PARP6: variants seen among roughly 807,000 people sequenced by gnomAD.
PARP6 encodes protein mono-ADP-ribosyltransferase PARP6.
Under a neutral mutation model 92.0 loss-of-function variants are expected in PARP6, and 27 were observed. The ratio of observed to expected loss-of-function variants is 0.29; its 90% CI spans 0.22 to 0.40. The LOEUF (loss-of-function observed/expected upper bound fraction) is 0.40, where lower values mean the gene tolerates loss of function less well. PARP6 is among the 10% of genes least tolerant of loss of function. PARP6 has a pLI of 1.00. For synonymous variants in PARP6, 272 were observed against 281.2 expected, an observed-to-expected ratio of 0.97 and a Z score of 0.33; for missense variants, 501 against 784.5, an observed-to-expected ratio of 0.64 and a Z score of 4.32.
intron 14 of PARP6, among the ~76,000 whole-genome samples, chr15:72,254,965 G>T (rs1181243142): frequency 1.3e-5 from 2 of 152,108 alleles, no homozygotes; most frequent in Non-Finnish European, 2.9e-5. Context: ...GGTGTTTCTG[G>T]TTGAGATTAA....
chr15:72,259,518 G>T, intron 11 of PARP6, 90 bp downstream of exon 11: 1 of 995,634 alleles, frequency 1.0e-6, no homozygotes, highest in Non-Finnish European at 1.6e-6. Context: ...AATTCAGAAA[G>T]TATTTGATTG....
intron 20 of PARP6, among the ~76,000 whole-genome samples, chr15:72,246,143 C>A (rs2083573741): frequency 6.6e-6 from 1 of 152,076 alleles, no homozygotes; most frequent in East Asian, 1.9e-4. Context: ...TTTCATAACA[C>A]ATTATTGTTT....
At chr15:72,262,139 T>C (rs928664589) in intron 8 of PARP6, among the ~76,000 whole-genome samples, 3 of 152,204 alleles carry the variant, frequency 2.0e-5, no homozygotes, top group Non-Finnish European at 4.4e-5. Flanking sequence ...AGAAAAATTA[T>C]ATTCTCAAAT....
rs1199871531 is a variant in PARP6, at chr15:72,260,536, G to T, written c.698C>A (p.Ala233Glu). Residue 233 changes from alanine to glutamate, a missense_variant, in exon 10 of 24, where the codon GCA becomes GAA. This residue lies in a region of PARP6 where 291 missense variants were observed against 352.0 expected (regional missense o/e 0.83). Transcript: ENST00000569795. ...EVFGYPPSPQ[A>E]GLLCPQHVGL... ...CACGTGCTGAGGGCACAGGAGACCT[G>T]CCTGGGGGCTGGGAGGGTAGCCAAA... The T allele has an allele frequency of 1.2e-6, 2 of 1,614,190 alleles. No individual in the cohort carries two copies. Among genetic ancestry groups the T allele is most frequent in the Admixed American group, 3.3e-5 (2 of 60,026 alleles).
At chr15:72,254,015 G>C in intron 15 of PARP6, 1 of 460,720 alleles carries the variant, frequency 2.2e-6, no homozygotes, top group South Asian at 1.6e-5. Context: ...GGGAAGTCTG[G>C]TGAGGGACAG....
chr15:72,269,810 A>T (rs2087116975), intron 2 of PARP6, among the ~76,000 whole-genome samples: 1 of 151,744 alleles, frequency 6.6e-6, no homozygotes, highest in African/African-American at 2.4e-5. Flanking sequence ...GAGGCAGGAG[A>T]ATCACTTGAC....
chr15:72,267,012 T>C (rs1285328820), intron 3 of PARP6, 190 bp from the exon 4 acceptor site: 3 of 573,678 alleles, frequency 5.2e-6, no homozygotes, highest in Non-Finnish European at 6.2e-6. Flanking sequence ...TATGATCATA[T>C]CCATAAACTA....
chr15:72,268,819 T>C (rs945666433), intron 2 of PARP6, among the ~76,000 whole-genome samples: 28 of 152,156 alleles, frequency 1.8e-4, no homozygotes, highest in African/African-American at 6.8e-4. Context: ...AATGCAATAA[T>C]TATCCCAAAA....
intron 7 of PARP6, 80 bp downstream of exon 7, chr15:72,265,001 T>G (rs540217033): frequency 7.5e-6 from 7 of 934,162 alleles, no homozygotes; most frequent in African/African-American, 6.5e-5. Flanking sequence ...TGTTCCTAAT[T>G]TTTTTCTACC....
chr15:72,266,018 G>T, intron 4 of PARP6, 27 bp from the exon 5 acceptor site: 3 of 1,430,234 alleles, frequency 2.1e-6, no homozygotes, highest in Non-Finnish European at 3.0e-6. Context: ...AATGGTGGTG[G>T]AGAGAGGTGG....
chr15:72,256,720 T>C, intron 13 of PARP6, 130 bp from the exon 14 acceptor site: 1 of 710,552 alleles, frequency 1.4e-6, no homozygotes, highest in Non-Finnish European at 2.0e-6. Flanking sequence ...AAATAGAAAA[T>C]ACAAGCTCAT....
In PARP6 at chr15:72,256,452, T is replaced by C; in HGVS notation, c.1125+13A>G. 1 of 1,530,626 alleles carries C rather than the reference T, an allele frequency of 6.5e-7. No homozygotes were observed. Among genetic ancestry groups the C allele is most frequent in the Non-Finnish European group, 8.7e-7 (1 of 1,144,726 alleles). The allele number at this position is 1,530,626 out of a possible 1,614,324, so 94.8% of individuals were successfully genotyped here. The stretch of plus-strand genomic sequence containing the variant: ...TTTCTGTTCCTTAGCCCTGACTTTC[T>C]CAAGTAACATACCTTAGGGTTAAAG... On this transcript the variant is annotated intron_variant, in intron 14 of 23. Transcript: ENST00000569795.
rs2083210793 is a variant in PARP6 at position 72,242,862 on chromosome 15, AG to A, written c.1562-164del. On this transcript the variant is annotated intron_variant, in intron 20 of 23. Coordinates refer to ENST00000569795, the MANE Select transcript of PARP6 (RefSeq NM_001323532.2). The surrounding 1 kb of genome is among the most constrained non-coding windows in gnomAD (Gnocchi z 4.3). ...CTGCTGGAAATTACAAGCAAGAACAAGTAATTAACAACACAGCATGGTAAGG... is the reference window on the plus strand; with the variant it reads ...CTGCTGGAAATTACAAGCAAGAACAATAATTAACAACACAGCATGGTAAGG... 1 of 595,824 alleles carries A rather than the reference AG, an allele frequency of 1.7e-6. No individual in the cohort carries two copies. Among genetic ancestry groups the A allele is most frequent in the African/African-American group, 1.9e-5 (1 of 53,372 alleles). 36.9% of individuals were successfully genotyped at this position (595,824 alleles called of 1,614,324 possible).
At chr15:72,243,078 A>G (rs2140880189) in intron 20 of PARP6, 2 of 204,598 alleles carry the variant, frequency 9.8e-6, no homozygotes, top group Middle Eastern at 1.9e-3. Context: ...AGGAAAGATA[A>G]GGTAGTGTGT....
intron 10 of PARP6, 39 bp from the exon 11 acceptor site, chr15:72,259,700 T>C (rs757844289): frequency 1.9e-6 from 3 of 1,592,114 alleles, no homozygotes; most frequent in African/African-American, 1.3e-5. Flanking sequence ...GAACCTCCTA[T>C]GAAGCTGGGG....
rs2083037986 is a variant in PARP6 at position 72,241,422 on chromosome 15, G to C, written c.*33C>G. The C allele has an allele frequency of 6.9e-7, 1 of 1,438,920 alleles. No homozygotes were observed. Among genetic ancestry groups the C allele is most frequent in the Non-Finnish European group, 9.8e-7 (1 of 1,020,450 alleles). 89.1% of individuals were successfully genotyped at this position (1,438,920 alleles called of 1,614,324 possible). ...TTTTATGAGGGCAGATGGATCCTGG[G>C]GTAACAGGGGTGGTACGAGGGCTGG... On this transcript the variant is annotated 3_prime_UTR_variant, in exon 24 of 24. Transcript: ENST00000569795. This position sits in a 1 kb window ranked among gnomAD's most constrained non-coding sequence, Gnocchi z 4.1.
chr15:72,259,598 A>G lies in PARP6; in HGVS notation c.810+10T>C. 6.2e-7 allele frequency: 1 copy of G among 1,613,574 alleles called. No individual in the cohort carries two copies. The highest frequency in any genetic ancestry group is 8.5e-7 in the Non-Finnish European group (1 of 1,179,550). On this transcript the variant is annotated intron_variant, in intron 11 of 23. Transcript: ENST00000569795. The stretch of plus-strand genomic sequence containing the variant: ...GAAGGGCTTCGGAGTGACAATTTTG[A>G]CTTGATTACCTGAACGAGGAATCCA...
intron 8 of PARP6, among the ~76,000 whole-genome samples, chr15:72,261,962 T>TTTCAAAGGTGAGCC (rs2085948254): frequency 6.6e-6 from 1 of 151,922 alleles, no homozygotes; most frequent in Admixed American, 6.6e-5. Flanking sequence ...TAGAGTGAGA[T>TTTCAAAGGTGAGCC]TTCAAAGGTG....
At chr15:72,266,577 G>C (rs1330870810) in intron 4 of PARP6, among the ~76,000 whole-genome samples, 168 bp downstream of exon 4, 1 of 152,154 alleles carries the variant, frequency 6.6e-6, no homozygotes, top group African/African-American at 2.4e-5. Flanking sequence ...TGACTCCAAA[G>C]AAAGAGCAAG....
Sources: gnomAD v4.1 joint callset for allele counts (sites outside exome capture counted in the v4.1 genomes callset) on GRCh38, gnomAD v4.1.1 for gene constraint, gnomAD v4.1.1 regional missense constraint, Gnocchi (gnomAD v3.1) non-coding constraint, MANE v1.5 for transcripts, NCBI Gene and HGNC (gene_info 2026-07-23, HGNC 2026-07-21) for gene names.